Variants in ARB2A observed in about 807,000 individuals in gnomAD.
The protein encoded by ARB2A is ARB2 cotranscriptional regulator A.
the ARB2A span, among the ~76,000 whole-genome samples, chr5:93,795,756 A>C: frequency 6.6e-6 from 1 of 152,068 alleles, no homozygotes; most frequent in East Asian, 1.9e-4. Context: ...TTACACACTG[A>C]CACCATATTA....
At chr5:93,761,147 G>C in the ARB2A span, among the ~76,000 whole-genome samples, 1 of 152,282 alleles carries the variant, frequency 6.6e-6, no homozygotes, top group East Asian at 1.9e-4. Flanking sequence ...GAAGACGGGT[G>C]ATTTCTGCAT....
chr5:94,088,827 T>A, the ARB2A span, among the ~76,000 whole-genome samples: 1 of 152,216 alleles, frequency 6.6e-6, no homozygotes, highest in East Asian at 1.9e-4. Context: ...TTTAAAATGC[T>A]GGGCTAAGGG....
the ARB2A span, among the ~76,000 whole-genome samples, chr5:93,783,319 G>A: frequency 6.6e-6 from 1 of 152,150 alleles, no homozygotes; most frequent in Non-Finnish European, 1.5e-5. Flanking sequence ...ATAGTATTAA[G>A]AGGACTGGAA....
the ARB2A span, among the ~76,000 whole-genome samples, chr5:94,036,402 T>C: frequency 2.0e-5 from 3 of 152,230 alleles, no homozygotes; most frequent in Non-Finnish European, 4.4e-5. Context: ...TATATGTATT[T>C]ATTTCCTTTC....
At chr5:93,674,577 T>C in the ARB2A span, among the ~76,000 whole-genome samples, 2 of 152,224 alleles carry the variant, frequency 1.3e-5, no homozygotes, top group South Asian at 2.1e-4. Flanking sequence ...GAGCAAACTT[T>C]ATCCCTCAAG....
the ARB2A span, among the ~76,000 whole-genome samples, chr5:93,709,416 C>T: frequency 9.9e-5 from 15 of 151,882 alleles, no homozygotes; most frequent in Non-Finnish European, 2.1e-4. Context: ...GGGTGGATCA[C>T]GAGGTCAGGA....
the ARB2A span, among the ~76,000 whole-genome samples, chr5:93,830,402 G>A: frequency 6.8e-6 from 1 of 147,916 alleles, no homozygotes; most frequent in African/African-American, 2.5e-5. Context: ...CGCTGGAAGT[G>A]TAGATGGAAG....
chr5:93,901,734 T>C, the ARB2A span, among the ~76,000 whole-genome samples: 2 of 152,016 alleles, frequency 1.3e-5, no homozygotes, highest in Non-Finnish European at 2.9e-5. Context: ...GGAAGATGAG[T>C]AGGTTCTCTT....
chr5:94,010,081 GCTTA>G, the ARB2A span, among the ~76,000 whole-genome samples: 1 of 151,616 alleles, frequency 6.6e-6, no homozygotes, highest in African/African-American at 2.4e-5. Context: ...TCTTTCTTCA[GCTTA>G]CTTTGGATTT....
chr5:93,643,828 A>C, the ARB2A span, among the ~76,000 whole-genome samples: 1 of 152,220 alleles, frequency 6.6e-6, no homozygotes, highest in Admixed American at 6.5e-5. Flanking sequence ...AAGCAAATCG[A>C]TTTTAAGTTT....
chr5:93,836,248 C>T, the ARB2A span, among the ~76,000 whole-genome samples: 4 of 152,062 alleles, frequency 2.6e-5, no homozygotes, highest in African/African-American at 4.8e-5. Flanking sequence ...AGGATGGTCT[C>T]GATCTCCTGA....
At chr5:94,038,913 A>G in the ARB2A span, among the ~76,000 whole-genome samples, 1 of 152,074 alleles carries the variant, frequency 6.6e-6, no homozygotes, top group African/African-American at 2.4e-5. Flanking sequence ...CTATTTATTA[A>G]GGCAGACTTT....
chr5:94,002,214 C>T, the ARB2A span, among the ~76,000 whole-genome samples: 1 of 151,990 alleles, frequency 6.6e-6, no homozygotes, highest in African/African-American at 2.4e-5. Context: ...TGAGGGTAGA[C>T]CTTCTTAAAA....
chr5:93,802,884 C>A, the ARB2A span, among the ~76,000 whole-genome samples: 1 of 152,068 alleles, frequency 6.6e-6, no homozygotes, highest in Non-Finnish European at 1.5e-5. Context: ...CTACTAAAAT[C>A]TTTAAGAATT....
chr5:94,083,934 G>C, the ARB2A span, among the ~76,000 whole-genome samples: 5 of 151,770 alleles, frequency 3.3e-5, no homozygotes, highest in African/African-American at 9.7e-5. Flanking sequence ...ACAAATACTA[G>C]CAACAATCAG....
the ARB2A span, among the ~76,000 whole-genome samples, chr5:93,762,076 G>C: frequency 6.6e-6 from 1 of 151,886 alleles, no homozygotes; most frequent in African/African-American, 2.4e-5. Context: ...AAAGACCAAA[G>C]GTAGATAAAA....
At chr5:93,982,829 C>T in the ARB2A span, among the ~76,000 whole-genome samples, 2 of 152,104 alleles carry the variant, frequency 1.3e-5, no homozygotes, top group Non-Finnish European at 2.9e-5. Context: ...CTGAGGTGGG[C>T]GGATCACCTG....
the ARB2A span, among the ~76,000 whole-genome samples, chr5:94,041,805 T>C: frequency 6.6e-6 from 1 of 152,190 alleles, no homozygotes; most frequent in Admixed American, 6.5e-5. Context: ...GCCTGGGAAA[T>C]GTGGAGTTAG....
the ARB2A span, among the ~76,000 whole-genome samples, chr5:93,929,668 A>G: frequency 2.6e-5 from 4 of 152,226 alleles, no homozygotes; most frequent in Non-Finnish European, 5.9e-5. Context: ...TGGAGGAAAT[A>G]AAACTTAAAC....
Sources: gnomAD v4.1 joint callset for allele counts (sites outside exome capture counted in the v4.1 genomes callset) on GRCh38, gnomAD v4.1.1 for gene constraint, MANE v1.5 for transcripts, NCBI Gene and HGNC (gene_info 2026-07-23, HGNC 2026-07-21) for gene names.